The following SUPT3H variants were observed in gnomAD, a reference collection of about 807,000 sequenced individuals.
The protein encoded by SUPT3H is SPT3 homolog, SAGA and STAGA complex component, also known as transcription initiation protein SPT3 homolog.
SUPT3H carries 44 observed loss-of-function variants against 44.3 expected under a neutral mutation model. That is an observed-to-expected ratio of 0.99 (90% CI 0.78 to 1.28). SUPT3H has a LOEUF of 1.28. Ranked by LOEUF, SUPT3H falls within the 50% of genes most tolerant of loss-of-function variation. SUPT3H has a pLI of 0.00. For synonymous variants in SUPT3H, 124 were observed against 125.6 expected (o/e 0.99, Z 0.09); for missense variants, 380 against 387.1 (o/e 0.98, Z 0.15).
chr6:44,887,368 A>G (rs190197430), intron 10 of SUPT3H, among the ~76,000 whole-genome samples: 1 of 152,152 alleles, frequency 6.6e-6, no homozygotes, highest in African/African-American at 2.4e-5. Context: ...ACGGTTGGAA[A>G]TAAAGCTCTC....
intron 2 of SUPT3H, among the ~76,000 whole-genome samples, chr6:45,348,543 C>T (rs1185238790): frequency 6.7e-6 from 1 of 149,008 alleles, no homozygotes; most frequent in African/African-American, 2.5e-5. Context: ...GGTATGGTGG[C>T]GCATGCCTGT....
At chr6:45,102,409 G>A (rs1798707818) in intron 3 of SUPT3H, among the ~76,000 whole-genome samples, 1 of 151,806 alleles carries the variant, frequency 6.6e-6, no homozygotes, top group Non-Finnish European at 1.5e-5. Flanking sequence ...ACAATATGGG[G>A]GAGAAAACAT....
At chr6:45,005,915 C>A (rs1363942703) in intron 5 of SUPT3H, among the ~76,000 whole-genome samples, 1 of 151,992 alleles carries the variant, frequency 6.6e-6, no homozygotes, top group Non-Finnish European at 1.5e-5. Context: ...AATTCATAGA[C>A]CCTCTATTCC....
At chr6:44,891,584 G>C (rs531329674) in intron 10 of SUPT3H, among the ~76,000 whole-genome samples, 8 of 152,160 alleles carry the variant, frequency 5.3e-5, no homozygotes, top group Non-Finnish European at 8.8e-5. Context: ...GAGGCTATTA[G>C]GGATTGGGGT....
intron 6 of SUPT3H, among the ~76,000 whole-genome samples, chr6:45,001,452 T>C (rs1449720851): frequency 6.6e-6 from 1 of 151,954 alleles, no homozygotes; most frequent in Non-Finnish European, 1.5e-5. Context: ...AAAATTCAGA[T>C]TTTTTTATAT....
chr6:45,041,690 C>T (rs1271869457), intron 3 of SUPT3H, among the ~76,000 whole-genome samples: 3 of 152,136 alleles, frequency 2.0e-5, no homozygotes, highest in Non-Finnish European at 4.4e-5. Flanking sequence ...TACCTTCCAC[C>T]TTCTTTTTCT....
chr6:44,927,860 GTGTGTACATA>G (rs1376603864), intron 10 of SUPT3H, among the ~76,000 whole-genome samples: 1 of 152,128 alleles, frequency 6.6e-6, no homozygotes, highest in Non-Finnish European at 1.5e-5. Context: ...GATAGGCTCG[GTGTGTACATA>G]TGTGTGCACA....
rs555633817 is a variant in SUPT3H, at chr6:45,292,376, C to A, written c.101+72825G>T. ...TCACAGGACCTATAAAACAAAAATA[C>A]AATTTTAAAAAACAAAAACAAAAAT... is the stretch of plus-strand genomic sequence containing the variant. On this transcript the variant is annotated intron_variant, in intron 2 of 10. Transcript: ENST00000371459. Among the ~76,000 whole-genome samples, 8 of 151,940 alleles carry A rather than the reference C, an allele frequency of 5.3e-5. No homozygotes were observed. In the East Asian group the frequency reaches 1.6e-3, roughly 29 times the overall value.
In SUPT3H at chr6:45,006,855, A is replaced by T. The variant is rs1308015055; in HGVS notation, c.365-3063T>A. ...GCGCTTATATTGCATGTTCTCACATATTGTATCATTAGAGATAAATACTGA... is the reference window on the plus strand; with the variant it reads ...GCGCTTATATTGCATGTTCTCACATTTTGTATCATTAGAGATAAATACTGA... On this transcript the variant is annotated intron_variant, in intron 5 of 10. Transcript: ENST00000371459. Among the ~76,000 whole-genome samples, 4 of 152,172 alleles carry T rather than the reference A, an allele frequency of 2.6e-5. No individual in the cohort carries two copies. In the East Asian group the frequency reaches 5.8e-4, roughly 22 times the overall value.
chr6:45,154,752 T>C (rs1807538776), intron 2 of SUPT3H, among the ~76,000 whole-genome samples: 1 of 152,164 alleles, frequency 6.6e-6, no homozygotes, highest in Admixed American at 6.6e-5. Context: ...AGGAAGAATA[T>C]GTAGCATCTA....
Position 45,296,600 on chromosome 6 carries a change from G to A in SUPT3H, c.101+68601C>T, listed in dbSNP as rs548356393. Among the ~76,000 whole-genome samples, 9 of 151,708 alleles carry A rather than the reference G, an allele frequency of 5.9e-5. No individual in the cohort carries two copies. The East Asian group carries it at 9.7e-4, about 16-fold the overall frequency. On this transcript the variant is annotated intron_variant, in intron 2 of 10. Coordinates refer to ENST00000371459, the MANE Select transcript of SUPT3H (RefSeq NM_003599.4). ...CTAAAAATATAAAAATTAGCGAGGC[G>A]TGGTGGCACATGCCTGTAATCCCAG...
chr6:45,356,421 A>G (rs1042558412), intron 2 of SUPT3H, among the ~76,000 whole-genome samples: 2 of 151,896 alleles, frequency 1.3e-5, no homozygotes, highest in African/African-American at 4.8e-5. Flanking sequence ...TTTTTGAGAC[A>G]GAGTCTCACT....
chr6:44,886,821 G>A (rs926049923), intron 10 of SUPT3H, among the ~76,000 whole-genome samples: 3 of 152,068 alleles, frequency 2.0e-5, no homozygotes, highest in Non-Finnish European at 2.9e-5. Context: ...ACACAGACTG[G>A]CAAATTGGAT....
intron 2 of SUPT3H, among the ~76,000 whole-genome samples, chr6:45,355,909 TC>T (rs568646084): frequency 6.6e-6 from 1 of 151,774 alleles, no homozygotes; most frequent in Non-Finnish European, 1.5e-5. Flanking sequence ...AAATTTAATT[TC>T]CCCCCCTTTC....
At chr6:45,355,521 G>C (rs1342495908) in intron 2 of SUPT3H, among the ~76,000 whole-genome samples, 1 of 152,018 alleles carries the variant, frequency 6.6e-6, no homozygotes, top group Non-Finnish European at 1.5e-5. Flanking sequence ...AGTGAACCAA[G>C]ATCTTGCAGC....
At chr6:45,334,769 T>C (rs1394000022) in intron 2 of SUPT3H, among the ~76,000 whole-genome samples, 4 of 147,320 alleles carry the variant, frequency 2.7e-5, no homozygotes, top group South Asian at 2.1e-4. Context: ...AGGAAAAAAA[T>C]TGTAAATTAT....
chr6:44,905,323 G>GA (rs1765823380), intron 10 of SUPT3H, among the ~76,000 whole-genome samples: 1 of 152,016 alleles, frequency 6.6e-6, no homozygotes, highest in African/African-American at 2.4e-5. Context: ...CAATTTACAA[G>GA]AAAAAAACAA....
chr6:45,010,768 C>T lies in SUPT3H; in HGVS notation c.364+4033G>A, dbSNP rs555235690. 2.6e-5 allele frequency among the ~76,000 whole-genome samples: 4 copies of T among 152,180 alleles called. No homozygotes were observed. In the East Asian group the frequency reaches 7.7e-4, roughly 29 times the overall value. Reference sequence around the variant, plus strand: ...ATGACCTAATTTTTAATGCTTCCCACAATTCTCATCTCCAAATACTACCAC... The same window carrying T: ...ATGACCTAATTTTTAATGCTTCCCATAATTCTCATCTCCAAATACTACCAC... On this transcript the variant is annotated intron_variant, in intron 5 of 10. Transcript: ENST00000371459.
intron 2 of SUPT3H, among the ~76,000 whole-genome samples, chr6:45,167,898 G>A (rs1437791752): frequency 3.3e-5 from 5 of 151,430 alleles, no homozygotes; most frequent in Admixed American, 6.6e-5. Context: ...TGCAACCTCC[G>A]CCTCTCAGGT....
Sources: gnomAD v4.1 joint callset for allele counts (sites outside exome capture counted in the v4.1 genomes callset) on GRCh38, gnomAD v4.1.1 for gene constraint, MANE v1.5 for transcripts, NCBI Gene and HGNC (gene_info 2026-07-23, HGNC 2026-07-21) for gene names.